Variants in CHN2 observed in about 807,000 individuals in gnomAD.
The protein encoded by CHN2 is chimerin 2.
In CHN2, 35 loss-of-function variants were observed where a neutral mutation model predicts 56.3. That is an observed-to-expected ratio of 0.62 (90% confidence interval 0.47 to 0.82). The LOEUF is 0.82. CHN2 is among the 40% of genes least tolerant of loss of function. CHN2 has a pLI of 0.00. For synonymous variants in CHN2, 210 were observed against 212.8 expected (o/e 0.99, Z 0.12); for missense variants, 491 against 580.5 (o/e 0.85, Z 1.58).
At chr7:29,361,343 T>G (rs983397867) in intron 2 of CHN2, among the ~76,000 whole-genome samples, 1 of 152,140 alleles carries the variant, frequency 6.6e-6, no homozygotes, top group African/African-American at 2.4e-5. Context: ...GGGCCTTATT[T>G]TTATATGGTT....
chr7:29,221,615 C>T lies in CHN2; in HGVS notation c.49+26625C>T, dbSNP rs373415873. ...TTAGCTGTTCTTCCTGATGCTCTCC[C>T]TTCCTCGACCCCCAACAGACCCCAG... On this transcript the variant is annotated intron_variant, in intron 1 of 12. Transcript: ENST00000222792. Among the ~76,000 whole-genome samples the T allele has an allele frequency of 3.3e-5, 5 of 152,272 alleles. No homozygotes were observed. In the East Asian group the frequency reaches 9.6e-4, roughly 29 times the overall value.
At chr7:29,508,640 G>A (rs1256499982) in intron 11 of CHN2, among the ~76,000 whole-genome samples, 2 of 152,034 alleles carry the variant, frequency 1.3e-5, no homozygotes, top group Non-Finnish European at 2.9e-5. Flanking sequence ...TCTACTCCAG[G>A]AGGAATAGCA....
chr7:29,322,931 G>A (rs1336631631), intron 1 of CHN2, among the ~76,000 whole-genome samples: 1 of 152,082 alleles, frequency 6.6e-6, no homozygotes, highest in Non-Finnish European at 1.5e-5. Flanking sequence ...GGGAGGCCAA[G>A]GATCACGAGG....
chr7:29,509,854 A>G (rs1441223748), intron 12 of CHN2, among the ~76,000 whole-genome samples: 1 of 151,806 alleles, frequency 6.6e-6, no homozygotes, highest in Admixed American at 6.6e-5. Context: ...CAAAAAAAAA[A>G]AAAAAAGAAA....
intron 6 of CHN2, among the ~76,000 whole-genome samples, chr7:29,437,510 A>G (rs1353981937): frequency 4.0e-4 from 53 of 131,584 alleles, no homozygotes; most frequent in African/African-American, 7.8e-4. Context: ...AGGCAGGAGA[A>G]TGGCATGAAC....
chr7:29,147,000 T>C lies in CHN2; in HGVS notation c.274+40T>C, dbSNP rs772923316. The C allele has an allele frequency of 7.1e-6, 11 of 1,550,248 alleles. No individual in the cohort carries two copies. In the South Asian group the frequency reaches 1.2e-4, roughly 17 times the overall value. ...AGTGCCACTGTCCTGCCAAGCACTCTCCTGAATCACTGCGCTGGAGTCTCA... is the reference window on the plus strand; with the variant it reads ...AGTGCCACTGTCCTGCCAAGCACTCCCCTGAATCACTGCGCTGGAGTCTCA... On this transcript the variant is annotated intron_variant, in intron 2 of 6. Transcript: ENST00000439384.
intron 3 of CHN2, among the ~76,000 whole-genome samples, chr7:29,371,699 G>A (rs903034355): frequency 6.6e-6 from 1 of 152,104 alleles, no homozygotes; most frequent in African/African-American, 2.4e-5. Flanking sequence ...TGTCTCACAG[G>A]CCACCACCAG....
In CHN2 at chr7:29,268,283, A is replaced by AACACACACACACACACACACACAC. The variant is rs145638795; in HGVS notation, c.49+73309_49+73332dup. Among the ~76,000 whole-genome samples, 71 of 134,238 alleles carry AACACACACACACACACACACACAC rather than the reference A, an allele frequency of 5.3e-4. 1 individual carries two copies. Among genetic ancestry groups the AACACACACACACACACACACACAC allele is most frequent in the East Asian group, 2.1e-3 (8 of 3,860 alleles). 88.1% of individuals were successfully genotyped at this position (134,238 alleles called of 152,430 possible). On this transcript the variant is annotated intron_variant, in intron 1 of 12. Coordinates refer to ENST00000222792, the MANE Select transcript of CHN2 (RefSeq NM_004067.4). ...TGTCCTTCATCCACGGCTTCACCAGAACACACACACACACACACACACACA... is the reference window on the plus strand; with the variant it reads ...TGTCCTTCATCCACGGCTTCACCAGAACACACACACACACACACACACACACACACACACACACACACACACACA...
chr7:29,160,393 C>A (rs146648700), intron 2 of CHN2, among the ~76,000 whole-genome samples: 1 of 152,154 alleles, frequency 6.6e-6, no homozygotes, highest in African/African-American at 2.4e-5. Context: ...CATGTCATTC[C>A]CCTTCCTGTT....
At chr7:29,247,633 A>G (rs1788177843) in intron 1 of CHN2, among the ~76,000 whole-genome samples, 1 of 152,170 alleles carries the variant, frequency 6.6e-6, no homozygotes, top group African/African-American at 2.4e-5. Flanking sequence ...GTGACAGAAA[A>G]CAAAACAAAA....
chr7:29,407,558 A>G, intron 6 of CHN2, among the ~76,000 whole-genome samples: 1 of 152,178 alleles, frequency 6.6e-6, no homozygotes, highest in East Asian at 1.9e-4. Flanking sequence ...TGGAAATAAC[A>G]TGTAACTGAC....
intron 6 of CHN2, among the ~76,000 whole-genome samples, chr7:29,460,711 A>G (rs2128137399): frequency 6.6e-6 from 1 of 152,306 alleles, no homozygotes; most frequent in Admixed American, 6.5e-5. Context: ...GCTTCTTTGG[A>G]CAGAGCCATC....
Position 29,248,753 on chromosome 7 carries a change from C to T in CHN2, c.49+53763C>T, listed in dbSNP as rs117132329. On this transcript the variant is annotated intron_variant, in intron 1 of 12. Coordinates refer to ENST00000222792, the MANE Select transcript of CHN2 (RefSeq NM_004067.4). ...GCATCTACTGGGGAAACGAAACATA[C>T]GATTCTCAGGCTCTACTTTGAGAGA... 5.7e-3 allele frequency among the ~76,000 whole-genome samples: 872 copies of T among 152,230 alleles called. 1 individual carries two copies. The highest frequency in any genetic ancestry group is 0.012 in the Admixed American group (182 of 15,280).
chr7:29,471,786 G>A (rs185411978), intron 6 of CHN2, among the ~76,000 whole-genome samples: 1 of 152,122 alleles, frequency 6.6e-6, no homozygotes, highest in Non-Finnish European at 1.5e-5. Flanking sequence ...CAGGTTAATC[G>A]TTGACACCTG....
intron 1 of CHN2, among the ~76,000 whole-genome samples, chr7:29,203,467 C>CAAAAAAAA (rs11287820): frequency 1.8e-5 from 1 of 55,578 alleles, no homozygotes; most frequent in South Asian, 7.3e-4. Context: ...AACTCCGTCT[C>CAAAAAAAA]AAAAAAAAAA....
chr7:29,488,711 A>G (rs1310341857), intron 7 of CHN2, among the ~76,000 whole-genome samples: 1 of 150,824 alleles, frequency 6.6e-6, no homozygotes, highest in Non-Finnish European at 1.5e-5. Context: ...CCCCTGGGGG[A>G]CATTTGTCAA....
intron 1 of CHN2, among the ~76,000 whole-genome samples, chr7:29,266,305 C>T (rs1790140556): frequency 6.6e-6 from 1 of 152,196 alleles, no homozygotes; most frequent in Admixed American, 6.5e-5. Flanking sequence ...ATTCCGTCAA[C>T]ACCGACAAAG....
intron 8 of CHN2, among the ~76,000 whole-genome samples, chr7:29,498,998 C>T (rs774531285): frequency 5.9e-5 from 9 of 151,972 alleles, no homozygotes; most frequent in Non-Finnish European, 1.0e-4. Flanking sequence ...TCAGGCAATC[C>T]GCCCACCTGC....
intron 1 of CHN2, among the ~76,000 whole-genome samples, chr7:29,349,262 G>A (rs2128921025): frequency 6.6e-6 from 1 of 152,244 alleles, no homozygotes; most frequent in Admixed American, 6.5e-5. Context: ...TGGCTTTCAT[G>A]AAGTGAAACA....
Sources: gnomAD v4.1 joint callset for allele counts (sites outside exome capture counted in the v4.1 genomes callset) on GRCh38, gnomAD v4.1.1 for gene constraint, MANE v1.5 for transcripts, NCBI Gene and HGNC (gene_info 2026-07-23, HGNC 2026-07-21) for gene names.